Variants in SGMS1 observed in about 807,000 individuals in gnomAD.
SGMS1 encodes the protein sphingomyelin synthase 1.
SGMS1 carries 13 observed loss-of-function variants against 46.2 expected under a neutral mutation model. The observed-to-expected ratio is 0.28, with a 90% CI of 0.18 to 0.45. The LOEUF is 0.45. Among genes scored for constraint, SGMS1 ranks in the 20% least tolerant of loss-of-function variants. The pLI, the probability that SGMS1 is intolerant of heterozygous loss-of-function variation, is 1.00. For synonymous variants in SGMS1, 203 were observed against 187.8 expected (o/e 1.08, Z -0.66); for missense variants, 324 against 519.9 (o/e 0.62, Z 3.66).
In SGMS1 at chr10:50,565,407, T is replaced by A. The variant is rs376653991; in HGVS notation, c.-589+24746A>T. Among the ~76,000 whole-genome samples, 5 of 152,224 alleles carry A rather than the reference T, an allele frequency of 3.3e-5. No homozygotes were observed. In the East Asian group the frequency reaches 5.8e-4, roughly 18 times the overall value. On this transcript the variant is annotated intron_variant, in intron 2 of 10. Transcript: ENST00000361781. ...ACATCAGGGCAGTACTGACTTCTAC[T>A]GTATCTGCTTGGAACAGAAAGTAAG... is the stretch of plus-strand genomic sequence containing the variant.
At chr10:50,591,028 C>A (rs1414242412) in intron 1 of SGMS1, among the ~76,000 whole-genome samples, 1 of 152,120 alleles carries the variant, frequency 6.6e-6, no homozygotes, top group Non-Finnish European at 1.5e-5. Flanking sequence ...TCCTTTCCAG[C>A]AAAGGTATTC....
chr10:50,389,812 C>CAA (rs147929294), intron 6 of SGMS1, among the ~76,000 whole-genome samples: 2 of 151,960 alleles, frequency 1.3e-5, no homozygotes, highest in African/African-American at 4.8e-5. Context: ...TTTGTTTGTA[C>CAA]AAAAATAAAT....
At chr10:50,339,239 C>A (rs1393714452) in intron 7 of SGMS1, among the ~76,000 whole-genome samples, 1 of 152,252 alleles carries the variant, frequency 6.6e-6, no homozygotes, top group African/African-American at 2.4e-5. Flanking sequence ...TAACACCTCA[C>A]TGACCTCCTG....
intron 6 of SGMS1, among the ~76,000 whole-genome samples, chr10:50,408,449 A>AAT (rs1554935206): frequency 1.4e-5 from 2 of 148,134 alleles, no homozygotes; most frequent in African/African-American, 2.6e-5. Context: ...AAAAAAAAAA[A>AAT]AAAAAACAAA....
chr10:50,473,222 C>T (rs531240519), intron 3 of SGMS1, among the ~76,000 whole-genome samples: 61 of 152,284 alleles, frequency 4.0e-4, no homozygotes, highest in Admixed American at 6.5e-4. Context: ...AACAGTAATA[C>T]TCTCTCCCTA....
At position 50,314,636 on chromosome 10, in the gene SGMS1, C is replaced by T. The variant is rs146055010; in HGVS notation, c.742-3221G>A. Reference sequence around the variant, plus strand: ...TGTGCAAAAATATCCCACTGTAACACTAATCACAAAAGCAACAGGCTGGGC... The same window carrying T: ...TGTGCAAAAATATCCCACTGTAACATTAATCACAAAAGCAACAGGCTGGGC... On this transcript the variant is annotated intron_variant, in intron 8 of 10. Transcript: ENST00000361781. Among the ~76,000 whole-genome samples the T allele has an allele frequency of 3.2e-4, 49 of 152,282 alleles. No homozygotes were observed. The East Asian group carries it at 5.8e-3, about 18-fold the overall frequency.
At chr10:50,527,086 A>AAAAAAAG (rs1837910174) in intron 2 of SGMS1, among the ~76,000 whole-genome samples, 4 of 144,628 alleles carry the variant, frequency 2.8e-5, no homozygotes, top group African/African-American at 1.1e-4. Flanking sequence ...AAAAAAAAAA[A>AAAAAAAG]AAAGAAAGAA....
At chr10:50,376,179 G>T (rs1312991305) in intron 6 of SGMS1, among the ~76,000 whole-genome samples, 1 of 152,064 alleles carries the variant, frequency 6.6e-6, no homozygotes, top group Non-Finnish European at 1.5e-5. Context: ...GTCTTCAGAG[G>T]GGGGTATGTT....
In SGMS1 at chr10:50,451,602, A is replaced by G. The variant is rs565598301; in HGVS notation, c.-313+9071T>C. On this transcript the variant is annotated intron_variant, in intron 5 of 10. Transcript: ENST00000361781. Reference sequence around the variant, plus strand: ...GGCTTGGTCAGAGAGGACTACTTGCATTATATCAGCAACACGAGCAGCAGA... The same window carrying G: ...GGCTTGGTCAGAGAGGACTACTTGCGTTATATCAGCAACACGAGCAGCAGA... 3.9e-5 allele frequency among the ~76,000 whole-genome samples: 6 copies of G among 152,338 alleles called. No individual in the cohort carries two copies. In the East Asian group the frequency reaches 1.2e-3, roughly 29 times the overall value.
intron 1 of SGMS1, among the ~76,000 whole-genome samples, chr10:50,617,877 C>T (rs955502272): frequency 2.2e-4 from 32 of 148,088 alleles, no homozygotes; most frequent in African/African-American, 7.7e-4. Context: ...CTGGCCCTGG[C>T]TTAATTTTTT....
chr10:50,541,318 C>T (rs1838050221), intron 2 of SGMS1, among the ~76,000 whole-genome samples: 2 of 152,068 alleles, frequency 1.3e-5, no homozygotes, highest in South Asian at 4.1e-4. Flanking sequence ...CAACTTTTTA[C>T]CTCTCAAAGC....
chr10:50,364,134 A>G (rs1348310868), intron 6 of SGMS1, among the ~76,000 whole-genome samples: 1 of 152,128 alleles, frequency 6.6e-6, no homozygotes, highest in Non-Finnish European at 1.5e-5. Context: ...AAAATGAAAG[A>G]TGGAAAATTG....
At position 50,415,079 on chromosome 10, in the gene SGMS1, C is replaced by CCA. The variant is rs557791268; in HGVS notation, c.-232+18395_-232+18396dup. 3.3e-5 allele frequency among the ~76,000 whole-genome samples: 5 copies of CCA among 152,298 alleles called. No homozygotes were observed. In the South Asian group the frequency reaches 1.0e-3, roughly 32 times the overall value. On this transcript the variant is annotated intron_variant, in intron 6 of 10. Coordinates refer to ENST00000361781, the MANE Select transcript of SGMS1 (RefSeq NM_147156.4). ...GAGCTTGCAGTGAGCTGAGATCGCG[C>CCA]CACTGCACTCCAGCCTGGGTGACAG...
intron 5 of SGMS1, among the ~76,000 whole-genome samples, chr10:50,442,182 A>AG (rs1031878398): frequency 1.7e-5 from 2 of 114,616 alleles, no homozygotes; most frequent in African/African-American, 6.5e-5. Context: ...TTTCTGCTGT[A>AG]GATTTTTTTT....
At position 50,553,638 on chromosome 10, in the gene SGMS1, G is replaced by A. The variant is rs541424481; in HGVS notation, c.-588-33717C>T. Among the ~76,000 whole-genome samples the A allele has an allele frequency of 2.6e-5, 4 of 152,278 alleles. No homozygotes were observed. In the East Asian group the frequency reaches 7.7e-4, roughly 29 times the overall value. Reference sequence around the variant, plus strand: ...TCAGCAAGGTAAGGCAGGTGGAAAAGTTCATGCCTGCGTCTCTGAACCACT... The same window carrying A: ...TCAGCAAGGTAAGGCAGGTGGAAAAATTCATGCCTGCGTCTCTGAACCACT... On this transcript the variant is annotated intron_variant, in intron 2 of 10. Coordinates refer to ENST00000361781, the MANE Select transcript of SGMS1 (RefSeq NM_147156.4).
intron 7 of SGMS1, among the ~76,000 whole-genome samples, chr10:50,327,720 AATG>A (rs1847553279): frequency 6.6e-6 from 1 of 152,210 alleles, no homozygotes; most frequent in South Asian, 2.1e-4. Flanking sequence ...AGAAAATCAG[AATG>A]ATATTAGAAT....
chr10:50,438,529 C>G (rs1224201099), intron 5 of SGMS1, among the ~76,000 whole-genome samples: 1 of 152,208 alleles, frequency 6.6e-6, no homozygotes, highest in African/African-American at 2.4e-5. Context: ...ATAGCTGATG[C>G]TTGACTGTGG....
At chr10:50,328,443 G>A (rs1218465370) in intron 7 of SGMS1, among the ~76,000 whole-genome samples, 4 of 152,066 alleles carry the variant, frequency 2.6e-5, no homozygotes, top group Non-Finnish European at 5.9e-5. Context: ...ATGCAGGATG[G>A]GCATACCTAC....
At chr10:50,422,273 G>A (rs571632291) in intron 6 of SGMS1, among the ~76,000 whole-genome samples, 110 of 152,204 alleles carry the variant, frequency 7.2e-4, no homozygotes, top group African/African-American at 2.4e-3. Context: ...AGTCATTGTT[G>A]TGAATATAAT....
Sources: gnomAD v4.1 joint callset for allele counts (sites outside exome capture counted in the v4.1 genomes callset) on GRCh38, gnomAD v4.1.1 for gene constraint, MANE v1.5 for transcripts, NCBI Gene and HGNC (gene_info 2026-07-23, HGNC 2026-07-21) for gene names.